Variants in HIBADH observed in about 807,000 individuals in gnomAD.
HIBADH encodes the protein 3-hydroxyisobutyrate dehydrogenase.
HIBADH carries 25 observed loss-of-function variants against 36.1 expected under a neutral mutation model. The ratio of observed to expected loss-of-function variants is 0.69; its 90% CI spans 0.50 to 0.97. The LOEUF (loss-of-function observed/expected upper bound fraction) is 0.97, where lower values mean the gene tolerates loss of function less well. Among genes scored for constraint, HIBADH ranks in the 50% least tolerant of loss-of-function variants. HIBADH has a pLI of 0.00. For missense variants in HIBADH, 421 were observed against 418.0 expected (o/e 1.01, Z -0.06); for synonymous variants, 160 against 149.5 (o/e 1.07, Z -0.51).
chr7:27,660,273 C>T (rs1460937614), intron 1 of HIBADH, among the ~76,000 whole-genome samples: 1 of 152,178 alleles, frequency 6.6e-6, no homozygotes, highest in Admixed American at 6.5e-5. Context: ...TCCAAACTTG[C>T]AGGCAGATTT....
At chr7:27,634,573 C>T (rs1273545409) in intron 2 of HIBADH, among the ~76,000 whole-genome samples, 1 of 152,206 alleles carries the variant, frequency 6.6e-6, no homozygotes, top group Admixed American at 6.5e-5. Context: ...TCATCCTACT[C>T]TAATAAACAC....
At position 27,629,604 on chromosome 7, in the gene HIBADH, T is replaced by C. The variant is rs979606317; in HGVS notation, c.363-112A>G. 20 of 637,036 alleles carry C rather than the reference T, an allele frequency of 3.1e-5. No homozygotes were observed. The African/African-American group carries it at 3.4e-4, about 11-fold the overall frequency. 39.5% of individuals were successfully genotyped at this position (637,036 alleles called of 1,614,324 possible). ...AGCTGCCATATATCAAGGAGGATTT[T>C]AGTTTAGTATTAAAAACATTATTAA... is the stretch of plus-strand genomic sequence containing the variant. On this transcript the variant is annotated intron_variant, in intron 3 of 7. Transcript: ENST00000265395.
intron 2 of HIBADH, among the ~76,000 whole-genome samples, chr7:27,642,575 C>T (rs918706163): frequency 4.0e-5 from 6 of 151,824 alleles, no homozygotes; most frequent in South Asian, 2.1e-4. Context: ...GAGGAAACTG[C>T]TCCTTTGTCC....
At position 27,629,385 on chromosome 7, in the gene HIBADH, G is replaced by A. The variant is rs1292380591; in HGVS notation, c.470C>T (p.Ala157Val). 1.2e-6 allele frequency: 2 copies of A among 1,610,852 alleles called. No individual in the cohort carries two copies. Among genetic ancestry groups the A allele is most frequent in the Admixed American group, 1.7e-5 (1 of 59,744 alleles). ...VEKMGAVFMDAPVSGGVGAAR... is the reference protein window; with the variant it reads ...VEKMGAVFMDVPVSGGVGAAR... ...CTACCACTTACCACCAGAAACAGGG[G>A]CATCCATGAAAACTGCTCCCATTTT... Residue 157 changes from alanine (A) to valine (V), a missense_variant, in exon 4 of 8, where the codon GCC becomes GTC. Transcript: ENST00000265395.
intron 4 of HIBADH, among the ~76,000 whole-genome samples, chr7:27,568,827 T>C (rs73299366): frequency 0.045 from 6,868 of 152,116 alleles, 498 homozygotes; most frequent in African/African-American, 0.16. Flanking sequence ...CATAGATTTC[T>C]TTATTGTATT....
chr7:27,542,678 C>G (rs987126409), intron 5 of HIBADH, among the ~76,000 whole-genome samples: 1 of 151,842 alleles, frequency 6.6e-6, no homozygotes, highest in Non-Finnish European at 1.5e-5. Context: ...TGTCAAACTC[C>G]TGGGCTTGAG....
intron 2 of HIBADH, among the ~76,000 whole-genome samples, chr7:27,645,058 T>C (rs1418613410): frequency 6.6e-6 from 1 of 152,212 alleles, no homozygotes; most frequent in East Asian, 1.9e-4. Flanking sequence ...GGACATTCTA[T>C]CCGCTGATAG....
chr7:27,551,148 G>A (rs1220769833), intron 4 of HIBADH, among the ~76,000 whole-genome samples: 1 of 147,412 alleles, frequency 6.8e-6, no homozygotes, highest in Non-Finnish European at 1.5e-5. Flanking sequence ...CAACTTTGGG[G>A]CAGCATGATT....
chr7:27,622,454 A>G (rs1307145359), intron 4 of HIBADH, among the ~76,000 whole-genome samples: 1 of 152,162 alleles, frequency 6.6e-6, no homozygotes, highest in Non-Finnish European at 1.5e-5. Flanking sequence ...GAGCTAGATG[A>G]AATAGAGACT....
At chr7:27,576,580 T>TA (rs777186324) in intron 4 of HIBADH, among the ~76,000 whole-genome samples, 2 of 152,314 alleles carry the variant, frequency 1.3e-5, no homozygotes, top group Middle Eastern at 3.4e-3. Flanking sequence ...TTGTTTCTCT[T>TA]AAAGAGTCAG....
chr7:27,654,267 A>G (rs1323076088), intron 1 of HIBADH, among the ~76,000 whole-genome samples: 1 of 152,220 alleles, frequency 6.6e-6, no homozygotes, highest in Non-Finnish European at 1.5e-5. Context: ...CCAAACACAT[A>G]TGTAACTAGA....
chr7:27,639,531 C>T (rs1188889323), intron 2 of HIBADH, among the ~76,000 whole-genome samples: 1 of 152,106 alleles, frequency 6.6e-6, no homozygotes, highest in Non-Finnish European at 1.5e-5. Context: ...GTACACCAAA[C>T]TCCTGTGACA....
intron 2 of HIBADH, among the ~76,000 whole-genome samples, chr7:27,634,539 T>C (rs948906106): frequency 2.0e-5 from 3 of 152,188 alleles, no homozygotes. Flanking sequence ...CTATACCAAA[T>C]ATATGTTACT....
intron 2 of HIBADH, among the ~76,000 whole-genome samples, chr7:27,639,983 T>C (rs1490035662): frequency 1.3e-5 from 2 of 152,096 alleles, no homozygotes; most frequent in Non-Finnish European, 2.9e-5. Context: ...TAACTTGAAG[T>C]AGTCTGAACT....
At chr7:27,584,034 T>C (rs964400366) in intron 4 of HIBADH, among the ~76,000 whole-genome samples, 1 of 152,190 alleles carries the variant, frequency 6.6e-6, no homozygotes, top group East Asian at 1.9e-4. Flanking sequence ...AGATATATGT[T>C]GTTTTGGTTG....
intron 2 of HIBADH, among the ~76,000 whole-genome samples, chr7:27,636,447 A>C (rs867680820): frequency 6.6e-6 from 1 of 152,388 alleles, no homozygotes; most frequent in South Asian, 2.1e-4. Context: ...CTTTGTGCCT[A>C]CATCTTGAAA....
chr7:27,636,473 G>A (rs571938847), intron 2 of HIBADH, among the ~76,000 whole-genome samples: 1 of 152,224 alleles, frequency 6.6e-6, no homozygotes, highest in Non-Finnish European at 1.5e-5. Context: ...GGTCAACAAT[G>A]ATGGAGCCCA....
At chr7:27,538,956 T>C (rs893653022) in intron 5 of HIBADH, among the ~76,000 whole-genome samples, 3 of 151,910 alleles carry the variant, frequency 2.0e-5, no homozygotes, top group African/African-American at 7.3e-5. Context: ...ATAAGAAGGA[T>C]TAAATATTTA....
intron 4 of HIBADH, among the ~76,000 whole-genome samples, chr7:27,626,355 A>G (rs776316912): frequency 1.3e-5 from 2 of 152,208 alleles, no homozygotes; most frequent in Non-Finnish European, 2.9e-5. Flanking sequence ...AACTACACAA[A>G]TATTAAAGTG....
Sources: allele counts gnomAD v4.1 joint callset (sites outside exome capture counted in the v4.1 genomes callset), GRCh38; gene constraint gnomAD v4.1.1; transcripts MANE v1.5; gene names NCBI Gene and HGNC (gene_info 2026-07-23, HGNC 2026-07-21).